The following LRRFIP1 variants were observed in gnomAD, a reference collection of about 807,000 sequenced individuals.
LRRFIP1 encodes leucine-rich repeat flightless-interacting protein 1.
Under a neutral mutation model 104.4 loss-of-function variants are expected in LRRFIP1, and 62 were observed. That is an observed-to-expected ratio of 0.59 (90% CI 0.48 to 0.73). LRRFIP1 has a LOEUF of 0.73. Among genes scored for constraint, LRRFIP1 ranks in the 30% least tolerant of loss-of-function variants. The probability of loss-of-function intolerance (pLI) is 0.00; values close to 1 mark genes in which losing one functional copy is unlikely to be tolerated. For missense variants in LRRFIP1, 796 were observed against 824.5 expected, an observed-to-expected ratio of 0.97 and a Z score of 0.42; for synonymous variants, 300 against 299.0, an observed-to-expected ratio of 1.00 and a Z score of -0.03.
intron 1 of LRRFIP1, among the ~76,000 whole-genome samples, chr2:237,651,275 AG>A: frequency 6.6e-6 from 1 of 152,318 alleles, no homozygotes; most frequent in Non-Finnish European, 1.5e-5. Flanking sequence ...TTCCAGGTGC[AG>A]GGTCACCTCG....
intron 1 of LRRFIP1, among the ~76,000 whole-genome samples, chr2:237,631,972 C>T (rs2082400879): frequency 6.6e-6 from 1 of 152,238 alleles, no homozygotes; most frequent in South Asian, 2.1e-4. Flanking sequence ...GGCCTCGGGC[C>T]CTGATCCATG....
intron 1 of LRRFIP1, among the ~76,000 whole-genome samples, chr2:237,636,533 A>T (rs866186468): frequency 2.8e-4 from 43 of 152,140 alleles, no homozygotes; most frequent in African/African-American, 9.6e-4. Flanking sequence ...TACTCTAAGG[A>T]TATTAAGCAA....
At chr2:237,673,416 C>G (rs1203690244) in intron 1 of LRRFIP1, among the ~76,000 whole-genome samples, 1 of 152,212 alleles carries the variant, frequency 6.6e-6, no homozygotes, top group Non-Finnish European at 1.5e-5. Context: ...GCCAAGAGAG[C>G]TGAGGGGTCA....
Position 237,711,651 on chromosome 2 carries a change from C to T in LRRFIP1, c.184-2608C>T, listed in dbSNP as rs746917765. ...GTGGACTCCTGCCTGGGGTTGGTCACGGACCAGGAGCCAGAGCCACCCAAA... is the reference window on the plus strand; with the variant it reads ...GTGGACTCCTGCCTGGGGTTGGTCATGGACCAGGAGCCAGAGCCACCCAAA... On this transcript the variant is annotated intron_variant, in intron 2 of 23. Coordinates refer to ENST00000308482, the MANE Select transcript of LRRFIP1 (RefSeq NM_001137550.2). This position sits in a 1 kb window ranked among gnomAD's most constrained non-coding sequence, Gnocchi z 4.4. 7.9e-5 allele frequency among the ~76,000 whole-genome samples: 12 copies of T among 152,148 alleles called. No individual in the cohort carries two copies. The highest frequency in any genetic ancestry group is 2.1e-4 in the South Asian group (1 of 4,826).
At chr2:237,736,473 T>A (rs1421153339) in intron 10 of LRRFIP1, among the ~76,000 whole-genome samples, 1 of 152,134 alleles carries the variant, frequency 6.6e-6, no homozygotes, top group African/African-American at 2.4e-5. Flanking sequence ...AGAGGGAGAA[T>A]ACTAATTCAA....
Position 237,650,000 on chromosome 2 carries a change from G to A in LRRFIP1, c.96+22260G>A, listed in dbSNP as rs554311982. 1.4e-4 allele frequency among the ~76,000 whole-genome samples: 21 copies of A among 152,018 alleles called. No individual in the cohort carries two copies. The highest frequency in any genetic ancestry group is 4.3e-4 in the African/African-American group (18 of 41,432). On this transcript the variant is annotated intron_variant, in intron 1 of 23. Coordinates refer to ENST00000308482, the MANE Select transcript of LRRFIP1 (RefSeq NM_001137550.2). This position sits in a 1 kb window ranked among gnomAD's most constrained non-coding sequence, Gnocchi z 4.1. ...CATTCCCTGTGCTGGGGACTTCCCC[G>A]GGCACTGGGGACACTGTAGTGCACA...
chr2:237,756,704 A>G (rs2059305086), intron 16 of LRRFIP1, among the ~76,000 whole-genome samples: 1 of 152,166 alleles, frequency 6.6e-6, no homozygotes, highest in Non-Finnish European at 1.5e-5. Context: ...ATTGGTGAAC[A>G]TTCCTATTCT....
At chr2:237,750,078 A>T (rs1051986645) in intron 13 of LRRFIP1, among the ~76,000 whole-genome samples, 2 of 152,124 alleles carry the variant, frequency 1.3e-5, no homozygotes, top group African/African-American at 4.8e-5. Context: ...GCTTTAAACT[A>T]GGTTTAAAAG....
chr2:237,676,331 G>A lies in LRRFIP1; in HGVS notation c.97-32213G>A, dbSNP rs559668666. ...GCATGACACCAGCCTGCCTTCTTTC[G>A]TCCTTTTTAAAAAATTAGACCAGAA... On this transcript the variant is annotated intron_variant, in intron 1 of 23. Coordinates refer to ENST00000308482, the MANE Select transcript of LRRFIP1 (RefSeq NM_001137550.2). Among the ~76,000 whole-genome samples, 57 of 152,200 alleles carry A rather than the reference G, an allele frequency of 3.7e-4. 1 individual carries two copies. The East Asian group carries it at 6.0e-3, about 16-fold the overall frequency.
At chr2:237,662,506 A>AT (rs556414200) in intron 1 of LRRFIP1, among the ~76,000 whole-genome samples, 2,048 of 150,754 alleles carry the variant, frequency 0.014, 41 homozygotes, top group African/African-American at 0.046. Flanking sequence ...GATAAGGACA[A>AT]TTTTTTTTTC....
At chr2:237,666,866 TTC>T (rs370520052) in intron 1 of LRRFIP1, among the ~76,000 whole-genome samples, 336 of 150,564 alleles carry the variant, frequency 2.2e-3, no homozygotes, top group Non-Finnish European at 3.9e-3. Flanking sequence ...TCTTTCTTTC[TTC>T]TCTTTCTCTC....
At chr2:237,643,376 C>T (rs756623274) in intron 1 of LRRFIP1, among the ~76,000 whole-genome samples, 14 of 152,218 alleles carry the variant, frequency 9.2e-5, no homozygotes, top group Non-Finnish European at 1.5e-4. Flanking sequence ...ACGATTCTGG[C>T]GCACCCTCGC....
In LRRFIP1 at chr2:237,758,760, C is replaced by T; in HGVS notation, c.1256C>T (p.Ser419Phe). 1 of 1,613,182 alleles carries T rather than the reference C, an allele frequency of 6.2e-7. No homozygotes were observed. The highest frequency in any genetic ancestry group is 8.5e-7 in the Non-Finnish European group (1 of 1,179,654). Residue 419 changes from serine to phenylalanine, a missense_variant, in exon 18 of 24, where the codon TCC (serine) becomes TTC (phenylalanine). Ser to Phe is a radical substitution (Grantham distance 155). Coordinates refer to ENST00000308482, the MANE Select transcript of LRRFIP1 (RefSeq NM_001137550.2). ...ALERQKEFFD[S>F]VRSERDDLRE... is the part of the protein sequence containing the mutation. ...GAGAGGCAGAAAGAGTTCTTTGATT[C>T]CGTAAGGAGTGAACGGGATGATCTT...
intron 4 of LRRFIP1, among the ~76,000 whole-genome samples, chr2:237,718,163 T>A (rs1246463557): frequency 6.6e-6 from 1 of 152,236 alleles, no homozygotes; most frequent in East Asian, 1.9e-4. Flanking sequence ...CGCCCCTGGC[T>A]TGAGAACTTT....
chr2:237,750,858 C>T (rs1023843805), intron 13 of LRRFIP1, among the ~76,000 whole-genome samples: 3 of 152,144 alleles, frequency 2.0e-5, no homozygotes, highest in African/African-American at 7.2e-5. Context: ...TCTTACTGTA[C>T]ATTGCACAGA....
At chr2:237,778,558 C>T (rs1192175162) in intron 23 of LRRFIP1, among the ~76,000 whole-genome samples, 3 of 152,232 alleles carry the variant, frequency 2.0e-5, no homozygotes, top group African/African-American at 7.2e-5. Flanking sequence ...CTTCGCCATG[C>T]AGTCCAGGCT....
At chr2:237,752,805 A>G (rs189152041) in intron 14 of LRRFIP1, among the ~76,000 whole-genome samples, 7 of 152,338 alleles carry the variant, frequency 4.6e-5, no homozygotes, top group Admixed American at 3.3e-4. Context: ...TGAACTCACT[A>G]CTGCTCCTTT....
chr2:237,669,330 TGA>T (rs2089986216), intron 1 of LRRFIP1, among the ~76,000 whole-genome samples: 1 of 152,262 alleles, frequency 6.6e-6, no homozygotes, highest in African/African-American at 2.4e-5. Context: ...TTGTGTTGTC[TGA>T]GAGTGTCTTG....
At chr2:237,771,996 T>A in intron 20 of LRRFIP1, 85 bp from the exon 21 acceptor site, 1 of 883,206 alleles carries the variant, frequency 1.1e-6, no homozygotes, top group Non-Finnish European at 1.8e-6. Flanking sequence ...GACATGCTGC[T>A]TCCTTTCTGA....
Sources: gnomAD v4.1 joint callset for allele counts (sites outside exome capture counted in the v4.1 genomes callset) on GRCh38, gnomAD v4.1.1 for gene constraint, Gnocchi (gnomAD v3.1) non-coding constraint, MANE v1.5 for transcripts, NCBI Gene and HGNC (gene_info 2026-07-23, HGNC 2026-07-21) for gene names.